PTCRA: variants seen among roughly 807,000 people sequenced by gnomAD.
The protein encoded by PTCRA is pre T cell antigen receptor alpha.
PTCRA carries 9 observed loss-of-function variants against 13.4 expected under a neutral mutation model. The observed-to-expected ratio is 0.67, with a 90% CI of 0.41 to 1.18. The LOEUF (loss-of-function observed/expected upper bound fraction) is 1.18, where lower values mean the gene tolerates loss of function less well. PTCRA is among the 50% of genes most tolerant of loss of function. PTCRA has a pLI of 0.01. For synonymous variants in PTCRA, 153 were observed against 161.9 expected (o/e 0.94, Z 0.42); for missense variants, 353 against 359.8 (o/e 0.98, Z 0.15).
intron 1 of PTCRA, among the ~76,000 whole-genome samples, chr6:42,919,590 GC>G (rs1767045683): frequency 6.7e-6 from 1 of 150,314 alleles, no homozygotes; most frequent in Non-Finnish European, 1.5e-5. Flanking sequence ...GGTGGCACGT[GC>G]CTGTAGTCCC....
Position 42,925,527 on chromosome 6 carries a change from A to T in PTCRA, c.691A>T (p.Ser231Cys), listed in dbSNP as rs1767396194. Residue 231 changes from serine (S) to cysteine (C), a missense_variant, in exon 4 of 4, where the codon AGC becomes TGC. Physicochemically the swap from Ser to Cys is moderately radical, Grantham distance 112. Coordinates refer to ENST00000304672, the MANE Select transcript of PTCRA (RefSeq NM_138296.3). The surrounding 1 kb of genome is among the most constrained non-coding windows in gnomAD (Gnocchi z 4.4). ...CACCCCTCCGGGTCGGAAGCCCGGG[A>T]GCCCAGTATGGGGGGAAGGGTCTTA... is the stretch of plus-strand genomic sequence containing the variant. ...GDTPPGRKPG[S>C]PVWGEGSYLS... is the part of the protein sequence containing the mutation. 1 of 1,583,760 alleles carries T rather than the reference A, an allele frequency of 6.3e-7. No individual in the cohort carries two copies. The highest frequency in any genetic ancestry group is 8.6e-7 in the Non-Finnish European group (1 of 1,163,916).
At position 42,925,769 on chromosome 6, in the gene PTCRA, C is replaced by A; in HGVS notation, c.*87C>A. The A allele has an allele frequency of 3.5e-6, 3 of 863,550 alleles. No homozygotes were observed. Among genetic ancestry groups the A allele is most frequent in the Admixed American group, 3.2e-5 (1 of 30,910 alleles). The allele number at this position is 863,550 out of a possible 1,614,324, so 53.5% of individuals were successfully genotyped here. A position where few individuals can be genotyped will look rare whatever the true frequency, so the allele number is the denominator to read the frequency against. On this transcript the variant is annotated 3_prime_UTR_variant, in exon 4 of 4. Transcript: ENST00000304672. The surrounding 1 kb of genome is among the most constrained non-coding windows in gnomAD (Gnocchi z 4.4). ...GGGGCCCCTTGAGAATGGTGATCCA[C>A]CCAGTTACAGGGGCATTTAGGGAGC...
chr6:42,924,003 G>C (rs975383583), intron 2 of PTCRA, among the ~76,000 whole-genome samples: 1 of 152,186 alleles, frequency 6.6e-6, no homozygotes, highest in Non-Finnish European at 1.5e-5. Context: ...GGGCTCCCCA[G>C]CCTCCCCAGG....
intron 1 of PTCRA, among the ~76,000 whole-genome samples, chr6:42,920,553 T>C (rs1767103595): frequency 6.7e-6 from 1 of 148,420 alleles, no homozygotes; most frequent in Non-Finnish European, 1.5e-5. Context: ...GCCTCCCGAG[T>C]AAATGGGACT....
rs774026929 is a variant in PTCRA at position 42,925,342 on chromosome 6, G to A, written c.506G>A (p.Cys169Tyr). Residue 169 changes from cysteine to tyrosine, a missense_variant, in exon 4 of 4, where the codon TGC becomes TAC. Coordinates refer to ENST00000304672, the MANE Select transcript of PTCRA (RefSeq NM_138296.3). This position sits in a 1 kb window ranked among gnomAD's most constrained non-coding sequence, Gnocchi z 4.4. ...KLLLFDLLLT[C>Y]SCLCDPAGPL... Reference sequence around the variant, plus strand: ...CTGCTGTTTGACCTGCTCCTGACCTGCAGCTGCCTGTGCGACCCCGCGGGC... The same window carrying A: ...CTGCTGTTTGACCTGCTCCTGACCTACAGCTGCCTGTGCGACCCCGCGGGC... 6 of 1,576,534 alleles carry A rather than the reference G, an allele frequency of 3.8e-6. No individual in the cohort carries two copies. Among genetic ancestry groups the A allele is most frequent in the Non-Finnish European group, 5.2e-6 (6 of 1,164,518 alleles).
rs1207751363 is a variant in PTCRA at position 42,923,270 on chromosome 6, C to G, written c.302C>G (p.Ser101Cys). 6.2e-7 allele frequency: 1 copy of G among 1,614,060 alleles called. No homozygotes were observed. Among genetic ancestry groups the G allele is most frequent in the Non-Finnish European group, 8.5e-7 (1 of 1,180,006 alleles). The change falls in exon 2 of 4, where the codon TCC (serine) becomes TGC (cysteine). Residue 101 changes from serine to cysteine, a missense_variant. Coordinates refer to ENST00000304672, the MANE Select transcript of PTCRA (RefSeq NM_138296.3). ...HLSLPSEELA[S>C]WEPLVCHTGP... Reference sequence around the variant, plus strand: ...TCCCTGCCTTCTGAGGAGCTGGCATCCTGGGAGCCTTTGGTCTGCCACACT... The same window carrying G: ...TCCCTGCCTTCTGAGGAGCTGGCATGCTGGGAGCCTTTGGTCTGCCACACT...
At chr6:42,917,279 A>G (rs1766920864) in intron 1 of PTCRA, among the ~76,000 whole-genome samples, 1 of 148,308 alleles carries the variant, frequency 6.7e-6, no homozygotes, top group Non-Finnish European at 1.5e-5. Context: ...CTGGAGTACA[A>G]TGGTGTGATC....
Position 42,925,830 on chromosome 6 carries a change from C to T in PTCRA, c.*148C>T. ...GAACATTAAAAAAGAACTTAAATGACACAGCAAATGAAAAATATTTGAATT... is the reference window on the plus strand; with the variant it reads ...GAACATTAAAAAAGAACTTAAATGATACAGCAAATGAAAAATATTTGAATT... On this transcript the variant is annotated 3_prime_UTR_variant, in exon 4 of 4. Coordinates refer to ENST00000304672, the MANE Select transcript of PTCRA (RefSeq NM_138296.3). The surrounding 1 kb of genome is among the most constrained non-coding windows in gnomAD (Gnocchi z 4.4). 2.0e-6 allele frequency: 1 copy of T among 490,906 alleles called. No homozygotes were observed. Among genetic ancestry groups the T allele is most frequent in the Non-Finnish European group, 3.5e-6 (1 of 282,734 alleles). The allele number at this position is 490,906 out of a possible 1,614,324, so 30.4% of individuals were successfully genotyped here. A position where few individuals can be genotyped will look rare whatever the true frequency, so the allele number is the denominator to read the frequency against.
Position 42,923,151 on chromosome 6 carries a change from C to G in PTCRA, c.183C>G (p.Ile61Met), listed in dbSNP as rs918408682. Residue 61 changes from isoleucine to methionine, a missense_variant, in exon 2 of 4, where the codon ATC (isoleucine) becomes ATG (methionine). Transcript: ENST00000304672. ...DVAPPGLDSP[I>M]WFSAGNGSAL... The stretch of plus-strand genomic sequence containing the variant: ...CACCCCCTGGCCTTGACAGCCCCAT[C>G]TGGTTCTCAGCCGGCAATGGCAGTG... 3 of 1,614,254 alleles carry G rather than the reference C, an allele frequency of 1.9e-6. No homozygotes were observed. The highest frequency in any genetic ancestry group is 2.2e-5 in the East Asian group (1 of 44,892).
chr6:42,924,042 G>C (rs1767312045), intron 2 of PTCRA, among the ~76,000 whole-genome samples, 187 bp from the exon 3 acceptor site: 1 of 152,234 alleles, frequency 6.6e-6, no homozygotes, highest in Admixed American at 6.5e-5. Flanking sequence ...TGCAAAGTGA[G>C]GGATGTTTGG....
chr6:42,923,263 C>G lies in PTCRA; in HGVS notation c.295C>G (p.Leu99Val), dbSNP rs147986652. The G allele has an allele frequency of 1.2e-6, 2 of 1,614,186 alleles. No homozygotes were observed. The highest frequency in any genetic ancestry group is 2.2e-5 in the South Asian group (2 of 91,086). ...CCATCTCTCCCTGCCTTCTGAGGAG[C>G]TGGCATCCTGGGAGCCTTTGGTCTG... ...LAHLSLPSEE[L>V]ASWEPLVCHT... Residue 99 changes from leucine to valine, a missense_variant, in exon 2 of 4, where the codon CTG becomes GTG. Coordinates refer to ENST00000304672, the MANE Select transcript of PTCRA (RefSeq NM_138296.3).
Position 42,925,213 on chromosome 6 carries a change from T to C in PTCRA, c.425-48T>C. ...CCCTCTCCGCCGTTCTCTCCTGGGG[T>C]AGGGGGCTGCGGGCTCCTGCGGGCT... On this transcript the variant is annotated intron_variant, in intron 3 of 3. Transcript: ENST00000304672. This position sits in a 1 kb window ranked among gnomAD's most constrained non-coding sequence, Gnocchi z 4.4. 1 of 1,542,364 alleles carries C rather than the reference T, an allele frequency of 6.5e-7. No individual in the cohort carries two copies. Among genetic ancestry groups the C allele is most frequent in the Non-Finnish European group, 8.7e-7 (1 of 1,150,376 alleles).
chr6:42,922,952 C>A, intron 1 of PTCRA, 75 bp from the exon 2 acceptor site: 1 of 1,374,696 alleles, frequency 7.3e-7, no homozygotes, highest in Non-Finnish European at 1.0e-6. Context: ...AATGTAGAAC[C>A]CTAGCCTACA....
At chr6:42,917,962 A>T (rs777027189) in intron 1 of PTCRA, among the ~76,000 whole-genome samples, 7 of 152,150 alleles carry the variant, frequency 4.6e-5, no homozygotes, top group Non-Finnish European at 1.0e-4. Context: ...AAACAAAAAG[A>T]GTCAGAAAAT....
rs747517503 is a variant in PTCRA at position 42,916,102 on chromosome 6, C to A, written c.33C>A (p.Ala11=). ...GTACATGGCTGCTACTTCTCCTGGCCCTTGGGTGTCCAGCCCTACCCACAG... is the reference window on the plus strand; with the variant it reads ...GTACATGGCTGCTACTTCTCCTGGCACTTGGGTGTCCAGCCCTACCCACAG... MAGTWLLLLL[A]LGCPALPTGV... is the part of the protein sequence containing the mutation. The change falls in exon 1 of 4, where the codon GCC becomes GCA. Residue 11 remains alanine (A), a synonymous_variant. Transcript: ENST00000304672. 2.5e-6 allele frequency: 4 copies of A among 1,613,932 alleles called. No homozygotes were observed. In the Admixed American group the frequency reaches 6.7e-5, roughly 27 times the overall value.
Position 42,925,491 on chromosome 6 carries a change from CGCTGGGGTGACACCCCTCCG to C in PTCRA, c.657_676del (p.Trp220SerfsTer45). 6.4e-7 allele frequency: 1 copy of C among 1,562,338 alleles called. No individual in the cohort carries two copies. Among genetic ancestry groups the C allele is most frequent in the African/African-American group, 1.4e-5 (1 of 73,720 alleles). ...ACCCAGACCCCAGCCTCGGGACCGC[CGCTGGGGTGACACCCCTCCG>C]GGTCGGAAGCCCGGGAGCCCAGTAT... On this transcript the variant is annotated frameshift_variant, in exon 4 of 4. Transcript: ENST00000304672. LOFTEE classifies it low-confidence loss of function (END_TRUNC). The surrounding 1 kb of genome is among the most constrained non-coding windows in gnomAD (Gnocchi z 4.4).
chr6:42,920,968 T>C (rs1767127368), intron 1 of PTCRA, among the ~76,000 whole-genome samples: 2 of 152,054 alleles, frequency 1.3e-5, no homozygotes, highest in South Asian at 4.1e-4. Flanking sequence ...CTAATTTTTT[T>C]GTATTTTTAG....
rs764546515 is a variant in PTCRA, at chr6:42,924,317, A to G, written c.424+44A>G. On this transcript the variant is annotated intron_variant, in intron 3 of 3. Transcript: ENST00000304672. ...GGGTGGGGAATAAGAGGCTGGGACC[A>G]GGACCTTGGGCCCGGGGGGTGGGGC... is the stretch of plus-strand genomic sequence containing the variant. 4.4e-6 allele frequency: 7 copies of G among 1,587,208 alleles called. No homozygotes were observed. In the Admixed American group the frequency reaches 1.0e-4, roughly 23 times the overall value.
chr6:42,920,504 G>A (rs1278198954), intron 1 of PTCRA, among the ~76,000 whole-genome samples: 17 of 142,418 alleles, frequency 1.2e-4, no homozygotes, highest in African/African-American at 3.6e-4. Context: ...GGCTCACTGC[G>A]AGCTCCGCCT....
Sources: gnomAD v4.1 joint callset for allele counts (sites outside exome capture counted in the v4.1 genomes callset) on GRCh38, gnomAD v4.1.1 for gene constraint, Gnocchi (gnomAD v3.1) non-coding constraint, MANE v1.5 for transcripts, NCBI Gene and HGNC (gene_info 2026-07-23, HGNC 2026-07-21) for gene names.